The following APOL5 variants were observed in gnomAD, a reference collection of about 807,000 sequenced individuals.
APOL5 encodes the protein apolipoprotein L5.
In APOL5, 29 loss-of-function variants were observed where a neutral mutation model predicts 35.5. The ratio of observed to expected loss-of-function variants is 0.82; its 90% CI spans 0.61 to 1.11. The LOEUF (loss-of-function observed/expected upper bound fraction) is 1.11. Ranked by LOEUF, APOL5 falls within the 50% of genes most tolerant of loss-of-function variation. The pLI is 0.00. For missense variants in APOL5, 514 were observed against 530.4 expected, an observed-to-expected ratio of 0.97 and a Z score of 0.30; for synonymous variants, 188 against 200.2, an observed-to-expected ratio of 0.94 and a Z score of 0.51.
At chr22:35,708,813 T>C in the APOL5 span, among the ~76,000 whole-genome samples, 9 of 152,130 alleles carry the variant, frequency 5.9e-5, no homozygotes, top group Admixed American at 6.6e-5. Flanking sequence ...CTGCCTCAGC[T>C]CATCTGCCTG....
intron 2 of APOL5, among the ~76,000 whole-genome samples, chr22:35,722,741 G>A (rs1202104191): frequency 1.3e-5 from 2 of 152,026 alleles, no homozygotes; most frequent in Admixed American, 1.3e-4. Context: ...TTTATCTTCT[G>A]TGTTGTGCCT....
chr22:35,712,027 G>A, the APOL5 span, among the ~76,000 whole-genome samples: 1 of 150,752 alleles, frequency 6.6e-6, no homozygotes, highest in Non-Finnish European at 1.5e-5. Context: ...TGTTTTTTGA[G>A]ACAGGGTCTC....
rs1461833989 is a variant in APOL5 at position 35,728,844 on chromosome 22, C to T, written c.1248C>T (p.Ala416=). Residue 416 remains alanine (A), a synonymous_variant, in exon 4 of 5, where the codon GCC becomes GCT. Coordinates refer to ENST00000249044, the MANE Select transcript of APOL5 (RefSeq NM_030642.1). Reference sequence around the variant, plus strand: ...CAAGGATGCTTGGCCACCAGCCAGCCCCACCAGCACCAGCAAGAAAGGGGA... The same window carrying T: ...CAAGGATGCTTGGCCACCAGCCAGCTCCACCAGCACCAGCAAGAAAGGGGA... ...SAPRMLGHQP[A]PPAPARKGRQ... is the part of the protein sequence containing the mutation. 6 of 1,608,184 alleles carry T rather than the reference C, an allele frequency of 3.7e-6. No homozygotes were observed. The highest frequency in any genetic ancestry group is 3.3e-5 in the South Asian group (3 of 90,452).
upstream of APOL5, chr22:35,717,771 AAAAAAAT>A: frequency 1.4e-6 from 1 of 691,718 alleles, no homozygotes; most frequent in Non-Finnish European, 2.1e-6. Flanking sequence ...AAGAAAAGAA[AAAAAAAT>A]AGGTGAGGAC....
At chr22:35,716,427 CA>C (rs557316941), upstream of APOL5, among the ~76,000 whole-genome samples, 54 of 152,278 alleles carry the variant, frequency 3.5e-4, no homozygotes, top group Admixed American at 2.8e-3. Flanking sequence ...TGCCCACCAC[CA>C]CGCCTGGCTA....
At chr22:35,727,578 T>A (rs1482138300) in intron 3 of APOL5, among the ~76,000 whole-genome samples, 1 of 152,010 alleles carries the variant, frequency 6.6e-6, no homozygotes, top group Non-Finnish European at 1.5e-5. Context: ...GAAGTCGAAG[T>A]CGCCCTCTTG....
chr22:35,712,069 C>T, the APOL5 span, among the ~76,000 whole-genome samples: 1 of 152,098 alleles, frequency 6.6e-6, no homozygotes, highest in African/African-American at 2.4e-5. Context: ...TGCAGTGGTG[C>T]TATCATGGCT....
chr22:35,716,634 T>G (rs117385964), upstream of APOL5, among the ~76,000 whole-genome samples: 476 of 152,300 alleles, frequency 3.1e-3, 21 homozygotes, highest in East Asian at 0.075. Flanking sequence ...GAGTGAAAAG[T>G]GCAAAAGTAT....
At chr22:35,709,193 A>C in the APOL5 span, among the ~76,000 whole-genome samples, 2 of 152,250 alleles carry the variant, frequency 1.3e-5, no homozygotes, top group Non-Finnish European at 2.9e-5. Context: ...AAACGTATGC[A>C]TATGCAGGTT....
At chr22:35,723,596 C>T (rs1927046598) in intron 2 of APOL5, among the ~76,000 whole-genome samples, 1 of 152,154 alleles carries the variant, frequency 6.6e-6, no homozygotes, top group African/African-American at 2.4e-5. Flanking sequence ...TTACAAGCTC[C>T]CCCCACTTGC....
At chr22:35,721,759 C>G (rs938893103) in intron 2 of APOL5, among the ~76,000 whole-genome samples, 1 of 152,110 alleles carries the variant, frequency 6.6e-6, no homozygotes, top group African/African-American at 2.4e-5. Context: ...CTTCCCTTTC[C>G]GTTGCCTTGG....
intron 2 of APOL5, among the ~76,000 whole-genome samples, chr22:35,725,808 C>G (rs763828535): frequency 1.3e-5 from 2 of 152,090 alleles, no homozygotes; most frequent in Non-Finnish European, 1.5e-5. Flanking sequence ...GATGTTATCT[C>G]GAGGAGCAAT....
At chr22:35,711,863 C>T in the APOL5 span, among the ~76,000 whole-genome samples, 17 of 151,944 alleles carry the variant, frequency 1.1e-4, no homozygotes, top group Non-Finnish European at 1.6e-4. Flanking sequence ...TTAGTGGAGA[C>T]GGGGTTTCGC....
intron 1 of APOL5, among the ~76,000 whole-genome samples, chr22:35,718,136 T>G (rs1926825491): frequency 1.3e-5 from 2 of 152,198 alleles, no homozygotes; most frequent in Admixed American, 6.5e-5. Flanking sequence ...TAACTTCCTT[T>G]GTAAAGTTTA....
At chr22:35,721,947 C>T (rs973029206) in intron 2 of APOL5, among the ~76,000 whole-genome samples, 5 of 152,332 alleles carry the variant, frequency 3.3e-5, no homozygotes, top group Admixed American at 1.3e-4. Flanking sequence ...AATCTTCATG[C>T]GTCATGCAAA....
intron 2 of APOL5, 141 bp from the exon 3 acceptor site, chr22:35,726,070 C>T (rs1210314800): frequency 1.2e-5 from 10 of 845,464 alleles, no homozygotes; most frequent in East Asian, 5.2e-5. Context: ...AAGATGAAGC[C>T]GGTTAGGTCA....
At chr22:35,716,811 A>G (rs937114766), upstream of APOL5, among the ~76,000 whole-genome samples, 1 of 152,084 alleles carries the variant, frequency 6.6e-6, no homozygotes, top group African/African-American at 2.4e-5. Context: ...TTTACTTAAT[A>G]TATCCTGGAC....
chr22:35,712,917 C>T (rs1333590261), upstream of APOL5, among the ~76,000 whole-genome samples: 4 of 152,214 alleles, frequency 2.6e-5, no homozygotes, highest in African/African-American at 9.6e-5. Flanking sequence ...GCTTGTCTCA[C>T]TGTGTTTCCT....
chr22:35,719,104 C>T (rs1926868323), intron 1 of APOL5, among the ~76,000 whole-genome samples: 1 of 151,684 alleles, frequency 6.6e-6, no homozygotes, highest in Admixed American at 6.6e-5. Context: ...ACAGGACACA[C>T]CATTATAAGT....
Sources: allele counts gnomAD v4.1 joint callset (sites outside exome capture counted in the v4.1 genomes callset), GRCh38; gene constraint gnomAD v4.1.1; transcripts MANE v1.5; gene names NCBI Gene and HGNC (gene_info 2026-07-23, HGNC 2026-07-21).